The following CEP85L variants were observed in gnomAD, a reference collection of about 807,000 sequenced individuals.
CEP85L encodes the protein centrosomal protein 85L.
In CEP85L, 60 loss-of-function variants were observed where a neutral mutation model predicts 100.3. The observed-to-expected ratio is 0.60, with a 90% CI of 0.49 to 0.74. CEP85L has a LOEUF of 0.74. Ranked by LOEUF, CEP85L falls within the 30% of genes least tolerant of loss-of-function variation. The probability of loss-of-function intolerance (pLI) is 0.00; values close to 1 mark genes in which losing one functional copy is unlikely to be tolerated. For missense variants in CEP85L, 973 were observed against 936.2 expected (o/e 1.04, Z -0.51); for synonymous variants, 319 against 322.7 (o/e 0.99, Z 0.12).
intron 2 of CEP85L, among the ~76,000 whole-genome samples, chr6:118,572,894 C>A (rs974240806): frequency 2.0e-5 from 3 of 151,992 alleles, no homozygotes; most frequent in Non-Finnish European, 4.4e-5. Flanking sequence ...AAACCCATTT[C>A]TACTAAAAAT....
chr6:118,521,836 T>C (rs1776686638), intron 4 of CEP85L, among the ~76,000 whole-genome samples: 1 of 152,170 alleles, frequency 6.6e-6, no homozygotes, highest in South Asian at 2.1e-4. Context: ...GCTAAAGAAT[T>C]AGCCAAATGA....
Position 118,465,593 on chromosome 6 carries a change from A to G in CEP85L, c.2255-25T>C, listed in dbSNP as rs186127013. ...GCTGTGTAAATAAAACATAGAGAGA[A>G]TATCTCACATTTTTTTGAACAAAGA... On this transcript the variant is annotated intron_variant, in intron 12 of 12. Transcript: ENST00000368491. The G allele has an allele frequency of 3.7e-6, 6 of 1,600,636 alleles. No individual in the cohort carries two copies. The East Asian group carries it at 1.3e-4, about 36-fold the overall frequency.
chr6:118,625,680 A>C (rs1773742435), intron 2 of CEP85L, among the ~76,000 whole-genome samples: 2 of 152,196 alleles, frequency 1.3e-5, no homozygotes, highest in African/African-American at 4.8e-5. Context: ...TTGCCGAAAA[A>C]GTCCAGGAGC....
At chr6:118,667,070 G>A (rs1442725995) in intron 1 of CEP85L, among the ~76,000 whole-genome samples, 1 of 152,122 alleles carries the variant, frequency 6.6e-6, no homozygotes, top group Non-Finnish European at 1.5e-5. Flanking sequence ...TATATGTCAG[G>A]TACTGTTAGG....
At chr6:118,534,586 G>A (rs1385360158) in intron 3 of CEP85L, among the ~76,000 whole-genome samples, 3 of 152,160 alleles carry the variant, frequency 2.0e-5, no homozygotes, top group Non-Finnish European at 4.4e-5. Flanking sequence ...CCAGGTGGCA[G>A]AGGTTGTATT....
At position 118,473,242 on chromosome 6, in the gene CEP85L, A is replaced by G. The variant is rs567825780; in HGVS notation, c.1915-2598T>C. ...ACTAGGAGAAAAAAGACCAAAAGAAATAAAATAAATATGCAAGTTACACAG... is the reference window on the plus strand; with the variant it reads ...ACTAGGAGAAAAAAGACCAAAAGAAGTAAAATAAATATGCAAGTTACACAG... On this transcript the variant is annotated intron_variant, in intron 10 of 12. Coordinates refer to ENST00000368491, the MANE Select transcript of CEP85L (RefSeq NM_001042475.3). Among the ~76,000 whole-genome samples the G allele has an allele frequency of 4.6e-5, 7 of 152,332 alleles. No homozygotes were observed. The South Asian group carries it at 1.5e-3, about 32-fold the overall frequency.
At chr6:118,651,012 G>A (rs1775517236) in intron 1 of CEP85L, among the ~76,000 whole-genome samples, 185 bp downstream of exon 1, 1 of 152,170 alleles carries the variant, frequency 6.6e-6, no homozygotes, top group African/African-American at 2.4e-5. Flanking sequence ...TGATGCGCCT[G>A]GGACGCGGCA....
chr6:118,512,029 C>T (rs1325506823), intron 4 of CEP85L, among the ~76,000 whole-genome samples: 1 of 151,556 alleles, frequency 6.6e-6, no homozygotes, highest in African/African-American at 2.4e-5. Context: ...TAGTTTTGCC[C>T]TCATGCCTGA....
intron 2 of CEP85L, among the ~76,000 whole-genome samples, chr6:118,612,841 G>A (rs537776399): frequency 2.6e-5 from 4 of 152,204 alleles, no homozygotes; most frequent in African/African-American, 9.6e-5. Flanking sequence ...AATGTGATCA[G>A]GAGATGGTTC....
intron 1 of CEP85L, among the ~76,000 whole-genome samples, chr6:118,698,172 G>C (rs1268267102): frequency 8.5e-5 from 13 of 152,282 alleles, no homozygotes; most frequent in African/African-American, 3.1e-4. Context: ...CTAAAATCCA[G>C]AGACCACCAT....
intron 3 of CEP85L, among the ~76,000 whole-genome samples, chr6:118,535,371 T>C (rs1459073193): frequency 1.3e-5 from 2 of 152,076 alleles, no homozygotes; most frequent in Admixed American, 1.3e-4. Flanking sequence ...CCAAGCGGGG[T>C]AGAGGACTAA....
At chr6:118,600,301 GTGTGTGTGTGTGTGTGTGTGTGTGTGT>G (rs1288353302) in intron 2 of CEP85L, among the ~76,000 whole-genome samples, 6 of 30,424 alleles carry the variant, frequency 2.0e-4, no homozygotes, top group South Asian at 1.5e-3. Context: ...CTTCCTGGGG[GTGTGTGTGTGTGTGTGTGTGTGTGTGT>G]GTGTGTGTGT....
At chr6:118,607,894 C>G (rs1276254142) in intron 2 of CEP85L, among the ~76,000 whole-genome samples, 2 of 152,144 alleles carry the variant, frequency 1.3e-5, no homozygotes, top group Non-Finnish European at 1.5e-5. Flanking sequence ...AGTATAGTCC[C>G]TTCTATGGTC....
chr6:118,582,349 G>A (rs1780623172), intron 2 of CEP85L, among the ~76,000 whole-genome samples: 1 of 152,176 alleles, frequency 6.6e-6, no homozygotes, highest in Non-Finnish European at 1.5e-5. Context: ...ATTTAACTCA[G>A]GTGTTTGATC....
At chr6:118,562,468 G>A (rs1019938543) in intron 3 of CEP85L, among the ~76,000 whole-genome samples, 1 of 152,030 alleles carries the variant, frequency 6.6e-6, no homozygotes, top group African/African-American at 2.4e-5. Flanking sequence ...GGGTGCAAAG[G>A]ATTCTCCAAC....
At chr6:118,516,819 C>T (rs868753969) in intron 4 of CEP85L, among the ~76,000 whole-genome samples, 41 of 152,184 alleles carry the variant, frequency 2.7e-4, no homozygotes, top group African/African-American at 9.9e-4. Flanking sequence ...GAAGCCTTTG[C>T]CCATGCCTAT....
intron 2 of CEP85L, among the ~76,000 whole-genome samples, chr6:118,596,148 T>C (rs1219881614): frequency 1.3e-5 from 2 of 152,152 alleles, no homozygotes; most frequent in Non-Finnish European, 2.9e-5. Flanking sequence ...ATGAACATCT[T>C]ATAGACCTGT....
At chr6:118,606,612 G>T (rs1413700055) in intron 2 of CEP85L, among the ~76,000 whole-genome samples, 23 of 152,222 alleles carry the variant, frequency 1.5e-4, no homozygotes, top group Admixed American at 1.5e-3. Flanking sequence ...CTGCCACGTG[G>T]TTACAAGGTC....
chr6:118,668,409 A>C (rs1776196839), intron 1 of CEP85L, among the ~76,000 whole-genome samples: 1 of 152,206 alleles, frequency 6.6e-6, no homozygotes, highest in Non-Finnish European at 1.5e-5. Context: ...ATGGATAGAG[A>C]TGCTCTTTTG....
Sources: gnomAD v4.1 joint callset for allele counts (sites outside exome capture counted in the v4.1 genomes callset) on GRCh38, gnomAD v4.1.1 for gene constraint, MANE v1.5 for transcripts, NCBI Gene and HGNC (gene_info 2026-07-23, HGNC 2026-07-21) for gene names.